The following CCDC192 variants were observed in gnomAD, a reference collection of about 807,000 sequenced individuals.
CCDC192 encodes the protein coiled-coil domain containing 192.
At chr5:127,871,627 A>G (rs988725955) in intron 5 of CCDC192, among the ~76,000 whole-genome samples, 2 of 152,216 alleles carry the variant, frequency 1.3e-5, no homozygotes, top group African/African-American at 4.8e-5. Context: ...GTGCCAGGCA[A>G]TTGGGTAATT....
intron 6 of CCDC192, among the ~76,000 whole-genome samples, chr5:127,897,632 A>G (rs763402947): frequency 2.0e-5 from 3 of 152,326 alleles, no homozygotes; most frequent in Non-Finnish European, 4.4e-5. Context: ...ATTTTAGAAA[A>G]AGTGCATACA....
chr5:127,770,069 GT>G (rs1486945915), intron 3 of CCDC192, among the ~76,000 whole-genome samples: 3 of 152,264 alleles, frequency 2.0e-5, no homozygotes, highest in Non-Finnish European at 4.4e-5. Context: ...CTACTTCCCA[GT>G]TAAATGAACC....
chr5:127,866,064 A>G (rs1446475711), intron 5 of CCDC192, among the ~76,000 whole-genome samples: 1 of 152,142 alleles, frequency 6.6e-6, no homozygotes, highest in Non-Finnish European at 1.5e-5. Flanking sequence ...AAACTGTTGA[A>G]CGCTATCTGC....
chr5:127,747,627 T>A (rs975295543), intron 2 of CCDC192, among the ~76,000 whole-genome samples: 1 of 152,100 alleles, frequency 6.6e-6, no homozygotes, highest in Admixed American at 6.6e-5. Flanking sequence ...TACCCAGTAA[T>A]GGGATGGCTG....
At chr5:127,775,665 A>G (rs1035393741) in intron 3 of CCDC192, among the ~76,000 whole-genome samples, 3 of 152,168 alleles carry the variant, frequency 2.0e-5, no homozygotes, top group Non-Finnish European at 4.4e-5. Flanking sequence ...TTTATCTTTG[A>G]TGTGGTTTGG....
chr5:127,938,947 G>C (rs79550115), intron 6 of CCDC192, among the ~76,000 whole-genome samples: 5,232 of 150,010 alleles, frequency 0.035, 294 homozygotes, highest in African/African-American at 0.12. Flanking sequence ...AAAGGTGAGA[G>C]CTTGGCACAC....
At chr5:127,760,784 C>T (rs1754876281) in intron 3 of CCDC192, among the ~76,000 whole-genome samples, 1 of 149,948 alleles carries the variant, frequency 6.7e-6, no homozygotes, top group African/African-American at 2.5e-5. Context: ...TTATAGTTTG[C>T]AGAGATAATC....
At chr5:127,910,576 G>T (rs1314211757) in intron 6 of CCDC192, among the ~76,000 whole-genome samples, 2 of 152,298 alleles carry the variant, frequency 1.3e-5, no homozygotes, top group South Asian at 4.1e-4. Context: ...TGATTGTTCA[G>T]AACTGAACAA....
chr5:127,731,145 C>T (rs182509552), intron 2 of CCDC192, among the ~76,000 whole-genome samples: 1 of 152,290 alleles, frequency 6.6e-6, no homozygotes, highest in African/African-American at 2.4e-5. Context: ...GCTTCTTAAG[C>T]TGATAAGCAA....
intron 5 of CCDC192, among the ~76,000 whole-genome samples, chr5:127,874,660 G>C (rs1208145350): frequency 6.6e-6 from 1 of 152,134 alleles, no homozygotes; most frequent in Non-Finnish European, 1.5e-5. Context: ...AATGTTAGTA[G>C]ATTATTTTCC....
At chr5:127,714,738 T>G (rs1751527120) in intron 2 of CCDC192, among the ~76,000 whole-genome samples, 1 of 152,192 alleles carries the variant, frequency 6.6e-6, no homozygotes, top group African/African-American at 2.4e-5. Context: ...TAATTTACAT[T>G]CTCACCAACA....
intron 6 of CCDC192, among the ~76,000 whole-genome samples, chr5:127,938,946 A>G (rs1323961585): frequency 1.3e-5 from 2 of 152,106 alleles, no homozygotes; most frequent in African/African-American, 4.8e-5. Flanking sequence ...GAAAGGTGAG[A>G]GCTTGGCACA....
intron 3 of CCDC192, among the ~76,000 whole-genome samples, chr5:127,782,997 G>GTT (rs576250474): frequency 2.6e-4 from 36 of 138,792 alleles, no homozygotes; most frequent in Non-Finnish European, 3.8e-4. Flanking sequence ...TAGAGGTGGG[G>GTT]TTTTTTTTTT....
At chr5:127,903,335 C>T (rs1409637090) in intron 6 of CCDC192, among the ~76,000 whole-genome samples, 1 of 151,966 alleles carries the variant, frequency 6.6e-6, no homozygotes, top group African/African-American at 2.4e-5. Context: ...CTCTGCCTCC[C>T]AGGTTCACGT....
At chr5:127,858,444 A>T (rs1257236124) in intron 5 of CCDC192, among the ~76,000 whole-genome samples, 1 of 152,170 alleles carries the variant, frequency 6.6e-6, no homozygotes, top group African/African-American at 2.4e-5. Context: ...ATCTTTCCTA[A>T]CTTCCTTAAT....
chr5:127,764,058 G>T (rs1031606764), intron 3 of CCDC192, among the ~76,000 whole-genome samples: 1 of 152,156 alleles, frequency 6.6e-6, no homozygotes, highest in Non-Finnish European at 1.5e-5. Flanking sequence ...AAGAAGCTCA[G>T]ACAGTAACTC....
intron 3 of CCDC192, among the ~76,000 whole-genome samples, chr5:127,793,245 C>A (rs1292898434): frequency 6.6e-6 from 1 of 152,136 alleles, no homozygotes; most frequent in Non-Finnish European, 1.5e-5. Context: ...TCTAAGTCAA[C>A]ATTTCTTAGA....
intron 6 of CCDC192, among the ~76,000 whole-genome samples, chr5:127,885,129 A>AG (rs1752517248): frequency 6.6e-6 from 1 of 151,514 alleles, no homozygotes; most frequent in South Asian, 2.1e-4. Flanking sequence ...AAAAAAAAAA[A>AG]GTCTTCTTCC....
intron 3 of CCDC192, among the ~76,000 whole-genome samples, chr5:127,762,486 C>A (rs570292978): frequency 6.6e-6 from 1 of 152,154 alleles, no homozygotes; most frequent in African/African-American, 2.4e-5. Context: ...TCAGAGAATG[C>A]AAGGAAAAAA....
Sources: allele counts gnomAD v4.1 joint callset (sites outside exome capture counted in the v4.1 genomes callset), GRCh38; gene constraint gnomAD v4.1.1; transcripts MANE v1.5; gene names NCBI Gene and HGNC (gene_info 2026-07-23, HGNC 2026-07-21).